Variants in PARP1 observed in about 807,000 individuals in gnomAD.
PARP1 encodes the protein poly(ADP-ribose) polymerase 1, also known as poly [ADP-ribose] polymerase 1.
In PARP1, 44 loss-of-function variants were observed where a neutral mutation model predicts 118.7. That is an observed-to-expected ratio of 0.37 (90% CI 0.29 to 0.48). The LOEUF is 0.48. Ranked by LOEUF, PARP1 falls within the 20% of genes least tolerant of loss-of-function variation. PARP1 has a pLI of 0.99. For synonymous variants in PARP1, 492 were observed against 483.2 expected (o/e 1.02, Z -0.24); for missense variants, 1,100 against 1,272.4 (o/e 0.86, Z 2.06).
intron 2 of PARP1, among the ~76,000 whole-genome samples, chr1:226,396,463 A>C (rs1354151161): frequency 2.0e-5 from 3 of 151,864 alleles, no homozygotes; most frequent in African/African-American, 7.3e-5. Context: ...GTAGGATCTC[A>C]ATTCTGCAGG....
At position 226,365,957 on chromosome 1, in the gene PARP1, G is replaced by T. The variant is rs537139670; in HGVS notation, c.2502C>A (p.Ile834=). ...TGGGGGAAGAAGGGATTCTTACATC[G>T]ATGACTTCCAAGTCATACGCATTGT... The part of the protein sequence containing the change: ...TTHNAYDLEV[I]DIFKIEREGE... The change falls in exon 18 of 23, where the codon ATC becomes ATA. Residue 834 remains isoleucine, a synonymous_variant. Coordinates refer to ENST00000366794, the MANE Select transcript of PARP1 (RefSeq NM_001618.4). 5.9e-5 allele frequency: 94 copies of T among 1,593,024 alleles called. 1 individual carries two copies. The South Asian group carries it at 9.7e-4, about 16-fold the overall frequency.
At position 226,380,133 on chromosome 1, in the gene PARP1, C is replaced by T. The variant is rs2102735690; in HGVS notation, c.1332G>A (p.Glu444=). ...KEVEKMNKKM[E]EVKEANIRVV... is the part of the protein sequence containing the mutation. Reference sequence around the variant, plus strand: ...CTCGGATGTTGGCTTCCTTTACTTCCTCCATCTTCTTATTCATCTTTTCCA... The same window carrying T: ...CTCGGATGTTGGCTTCCTTTACTTCTTCCATCTTCTTATTCATCTTTTCCA... The change falls in exon 10 of 23, where the codon GAG becomes GAA. Residue 444 remains glutamate, a synonymous_variant. Coordinates refer to ENST00000366794, the MANE Select transcript of PARP1 (RefSeq NM_001618.4). The T allele has an allele frequency of 1.2e-6, 2 of 1,614,130 alleles. No individual in the cohort carries two copies. Among genetic ancestry groups the T allele is most frequent in the Non-Finnish European group, 8.5e-7 (1 of 1,180,000 alleles).
At chr1:226,374,087 T>G (rs1664445351) in intron 14 of PARP1, 139 bp downstream of exon 14, 1 of 1,002,632 alleles carries the variant, frequency 1.0e-6, no homozygotes, top group East Asian at 2.5e-5. Context: ...AATTTAAGAT[T>G]GAAGGACAGG....
At chr1:226,406,956 T>C (rs1056005188) in intron 1 of PARP1, among the ~76,000 whole-genome samples, 22 of 152,036 alleles carry the variant, frequency 1.4e-4, no homozygotes, top group Admixed American at 1.4e-3. Flanking sequence ...TTGGGTAATA[T>C]GTTGGAAGCG....
intron 13 of PARP1, among the ~76,000 whole-genome samples, chr1:226,375,331 C>G (rs1162002821): frequency 6.6e-6 from 1 of 152,180 alleles, no homozygotes; most frequent in Admixed American, 6.5e-5. Flanking sequence ...TGACCCAGTA[C>G]CTACTTGTAA....
intron 2 of PARP1, among the ~76,000 whole-genome samples, chr1:226,394,311 C>A (rs577575566): frequency 2.0e-4 from 31 of 152,202 alleles, no homozygotes; most frequent in Non-Finnish European, 3.8e-4. Flanking sequence ...GAGCTAGGAT[C>A]GTGCAACTCC....
intron 14 of PARP1, among the ~76,000 whole-genome samples, chr1:226,371,272 G>T (rs1664377735): frequency 6.6e-6 from 1 of 152,186 alleles, no homozygotes; most frequent in African/African-American, 2.4e-5. Context: ...TCTGTATCCT[G>T]AGACATCGTC....
rs3219041 is a variant in PARP1 at position 226,390,063 on chromosome 1, T to C, written c.617+347A>G. 2.4e-3 allele frequency among the ~76,000 whole-genome samples: 371 copies of C among 152,232 alleles called. 2 individuals carry two copies. Among genetic ancestry groups the C allele is most frequent in the Non-Finnish European group, 3.7e-3 (251 of 68,008 alleles). On this transcript the variant is annotated intron_variant, in intron 4 of 22. Transcript: ENST00000366794. ...TAGTGATCAACCCAGGCACAACAAA[T>C]ACCCAGGGAAGGAAGGTGGTCTTTT...
intron 8 of PARP1, among the ~76,000 whole-genome samples, chr1:226,382,032 C>G (rs1464388674): frequency 6.6e-6 from 1 of 152,192 alleles, no homozygotes; most frequent in Non-Finnish European, 1.5e-5. Context: ...ATGTGGGCAC[C>G]TGGACCCAGG....
chr1:226,388,444 C>T (rs1664754883), intron 5 of PARP1, among the ~76,000 whole-genome samples: 1 of 152,220 alleles, frequency 6.6e-6, no homozygotes, highest in South Asian at 2.1e-4. Flanking sequence ...GGTCAGACAC[C>T]TACAGCCTAA....
At chr1:226,379,063 C>G in intron 12 of PARP1, 79 bp downstream of exon 12, 1 of 1,579,802 alleles carries the variant, frequency 6.3e-7, no homozygotes, top group Non-Finnish European at 8.7e-7. Context: ...ACGGGTTTCA[C>G]AAGGCTGATG....
At chr1:226,390,152 A>T (rs1664795282) in intron 4 of PARP1, among the ~76,000 whole-genome samples, 1 of 152,256 alleles carries the variant, frequency 6.6e-6, no homozygotes, top group South Asian at 2.1e-4. Context: ...AGATGTTGGA[A>T]GGGGAATAGA....
intron 7 of PARP1, among the ~76,000 whole-genome samples, chr1:226,383,863 A>C (rs1664667343): frequency 6.6e-6 from 1 of 152,242 alleles, no homozygotes; most frequent in Admixed American, 6.5e-5. Flanking sequence ...TGCCCTTTCC[A>C]GCTATGCCTG....
chr1:226,386,853 C>T (rs3219053), intron 5 of PARP1, among the ~76,000 whole-genome samples: 34,255 of 152,064 alleles, frequency 0.23, 4,635 homozygotes, highest in African/African-American at 0.37. Flanking sequence ...AGGAATGATT[C>T]GCAAACACCA....
At chr1:226,370,693 G>A (rs537349688) in intron 14 of PARP1, 176 bp from the exon 15 acceptor site, 2 of 663,728 alleles carry the variant, frequency 3.0e-6, no homozygotes, top group South Asian at 3.2e-5. Context: ...CCCACCATGA[G>A]GGATGGCAGT....
rs1008443401 is a variant in PARP1, at chr1:226,364,984, G to A, written c.2658+18C>T. The A allele has an allele frequency of 8.7e-6, 14 of 1,612,682 alleles. No homozygotes were observed. The highest frequency in any genetic ancestry group is 1.3e-5 in the African/African-American group (1 of 74,904). On this transcript the variant is annotated intron_variant, in intron 19 of 22. Transcript: ENST00000366794. Reference sequence around the variant, plus strand: ...CAGAGACAGGCATTGCCCACCCCTCGCCAGGCCAGGCACATACCACGGGCG... The same window carrying A: ...CAGAGACAGGCATTGCCCACCCCTCACCAGGCCAGGCACATACCACGGGCG...
chr1:226,372,983 A>G (rs1349230909), intron 14 of PARP1, among the ~76,000 whole-genome samples: 3 of 152,236 alleles, frequency 2.0e-5, no homozygotes, highest in Non-Finnish European at 4.4e-5. Context: ...AAGCACAGCG[A>G]ACAAGCCCTG....
At chr1:226,372,613 T>C (rs1186178419) in intron 14 of PARP1, among the ~76,000 whole-genome samples, 14 of 152,188 alleles carry the variant, frequency 9.2e-5, no homozygotes, top group Non-Finnish European at 1.5e-5. Context: ...AGGCAGAGGT[T>C]ACAATGAGCC....
chr1:226,377,277 C>A lies in PARP1; in HGVS notation c.1772G>T (p.Arg591Leu), dbSNP rs377397890. The A allele has an allele frequency of 6.2e-7, 1 of 1,613,974 alleles. No homozygotes were observed. Among genetic ancestry groups the A allele is most frequent in the South Asian group, 1.1e-5 (1 of 91,076 alleles). ...GTTGCTACCGATCACCGTACCCACA[C>A]GGCCCCAGGACCTGAATATCCAATA... The part of the protein sequence containing the change: ...NRYWIFRSWG[R>L]VGTVIGSNKL... The change falls in exon 13 of 23, where the codon CGT (arginine) becomes CTT (leucine). Residue 591 changes from arginine to leucine, a missense_variant. Around this residue, in one of 2 missense-constraint regions of PARP1, gnomAD observed 948 missense variants for 1,031.8 expected, o/e 0.92. Transcript: ENST00000366794.
Sources: allele counts gnomAD v4.1 joint callset (sites outside exome capture counted in the v4.1 genomes callset), GRCh38; gene constraint gnomAD v4.1.1; regional missense constraint gnomAD v4.1.1; transcripts MANE v1.5; gene names NCBI Gene and HGNC (gene_info 2026-07-23, HGNC 2026-07-21).